MAP2K5: variants seen among roughly 807,000 people sequenced by gnomAD.
MAP2K5 encodes the protein mitogen-activated protein kinase kinase 5, also known as dual specificity mitogen-activated protein kinase kinase 5.
MAP2K5 carries 49 observed loss-of-function variants against 83.1 expected under a neutral mutation model. That is an observed-to-expected ratio of 0.59 (90% confidence interval 0.47 to 0.75). The LOEUF (loss-of-function observed/expected upper bound fraction) is 0.75, where lower values mean the gene tolerates loss of function less well. Ranked by LOEUF, MAP2K5 falls within the 30% of genes least tolerant of loss-of-function variation. The pLI is 0.00. For synonymous variants in MAP2K5, 202 were observed against 191.8 expected, an observed-to-expected ratio of 1.05 and a Z score of -0.44; for missense variants, 457 against 557.5, an observed-to-expected ratio of 0.82 and a Z score of 1.82.
chr15:67,546,637 C>A (rs1387590220), intron 1 of MAP2K5: 1 of 985,064 alleles, frequency 1.0e-6, no homozygotes, highest in African/African-American at 1.7e-5. Flanking sequence ...TCTCTTTTTC[C>A]CTGGAGACTG....
chr15:67,700,283 T>G (rs1253498635), intron 15 of MAP2K5, among the ~76,000 whole-genome samples: 2 of 152,210 alleles, frequency 1.3e-5, no homozygotes, highest in African/African-American at 2.4e-5. Flanking sequence ...ATTCTACTTA[T>G]TAGATCATCA....
At chr15:67,752,327 A>G (rs754823926) in intron 19 of MAP2K5, among the ~76,000 whole-genome samples, 1 of 151,176 alleles carries the variant, frequency 6.6e-6, no homozygotes, top group Non-Finnish European at 1.5e-5. Flanking sequence ...TTGGCCTCCC[A>G]AAGTGCTGAT....
intron 19 of MAP2K5, among the ~76,000 whole-genome samples, chr15:67,751,957 T>C (rs1315579589): frequency 6.6e-6 from 1 of 152,234 alleles, no homozygotes; most frequent in East Asian, 1.9e-4. Flanking sequence ...CTGTGCCCTC[T>C]TGTGATTGCC....
At position 67,747,949 on chromosome 15, in the gene MAP2K5, T is replaced by C. The variant is rs1358543936; in HGVS notation, c.1075-282T>C. On this transcript the variant is annotated intron_variant, in intron 17 of 21. Transcript: ENST00000178640. The surrounding 1 kb of genome is among the most constrained non-coding windows in gnomAD (Gnocchi z 4.1). Reference sequence around the variant, plus strand: ...AGCAATATAAAACATTATTTATATCTGAATCGTAAACAGCCTTTTGAAATG... The same window carrying C: ...AGCAATATAAAACATTATTTATATCCGAATCGTAAACAGCCTTTTGAAATG... 6.6e-6 allele frequency among the ~76,000 whole-genome samples: 1 copy of C among 152,272 alleles called. No homozygotes were observed. The highest frequency in any genetic ancestry group is 1.5e-5 in the Non-Finnish European group (1 of 68,050).
At chr15:67,618,715 A>G (rs1259631205) in intron 8 of MAP2K5, among the ~76,000 whole-genome samples, 1 of 152,184 alleles carries the variant, frequency 6.6e-6, no homozygotes, top group Admixed American at 6.5e-5. Context: ...CAGATTATGT[A>G]TACCTTTACC....
chr15:67,790,049 G>T lies in MAP2K5; in HGVS notation c.1243-16597G>T, dbSNP rs556126721. Among the ~76,000 whole-genome samples the T allele has an allele frequency of 7.6e-4, 116 of 152,296 alleles. No homozygotes were observed. Among genetic ancestry groups the T allele is most frequent in the Non-Finnish European group, 1.2e-3 (84 of 68,022 alleles). ...GAGGTTGAATAGCCAATAGCTGGGG[G>T]TAAACTACAAGAGAGTCGTTTTCTT... On this transcript the variant is annotated intron_variant, in intron 21 of 21. Coordinates refer to ENST00000178640, the MANE Select transcript of MAP2K5 (RefSeq NM_145160.3). The surrounding 1 kb of genome is among the most constrained non-coding windows in gnomAD (Gnocchi z 4.6).
chr15:67,572,058 A>G lies in MAP2K5; in HGVS notation c.253-8696A>G, dbSNP rs776179197. Among the ~76,000 whole-genome samples, 10 of 152,246 alleles carry G rather than the reference A, an allele frequency of 6.6e-5. No individual in the cohort carries two copies. The highest frequency in any genetic ancestry group is 6.5e-5 in the Admixed American group (1 of 15,292). On this transcript the variant is annotated intron_variant, in intron 3 of 21. Coordinates refer to ENST00000178640, the MANE Select transcript of MAP2K5 (RefSeq NM_145160.3). This position sits in a 1 kb window ranked among gnomAD's most constrained non-coding sequence, Gnocchi z 4.2. ...AATACACCTAAGCATTAGGTGCTCC[A>G]TGAGCACAAGAAGTGTCTAATCTAG... is the stretch of plus-strand genomic sequence containing the variant.
In MAP2K5 at chr15:67,563,453, T is replaced by A. The variant is rs2084778931; in HGVS notation, c.252+103T>A. On this transcript the variant is annotated intron_variant, in intron 3 of 21. Transcript: ENST00000178640. The surrounding 1 kb of genome is among the most constrained non-coding windows in gnomAD (Gnocchi z 4.5). ...ACGAGTAAATAAATCACAGTTGTCA[T>A]ACATTTTTCTATATAATAGGTAAAG... is the stretch of plus-strand genomic sequence containing the variant. The A allele has an allele frequency of 8.5e-6, 12 of 1,408,210 alleles. No individual in the cohort carries two copies. Among genetic ancestry groups the A allele is most frequent in the Non-Finnish European group, 1.0e-5 (11 of 1,053,604 alleles). The allele number at this position is 1,408,210 out of a possible 1,614,324, so 87.2% of individuals were successfully genotyped here.
rs187741731 is a variant in MAP2K5 at position 67,775,809 on chromosome 15, G to C, written c.1242+3057G>C. ...AAAGGAAACAGGATGGGCAAAGCAT[G>C]AGTGTATCTCGGTTTCAGACATTTT... On this transcript the variant is annotated intron_variant, in intron 21 of 21. Transcript: ENST00000178640. This position sits in a 1 kb window ranked among gnomAD's most constrained non-coding sequence, Gnocchi z 5.3. Among the ~76,000 whole-genome samples, 3 of 152,220 alleles carry C rather than the reference G, an allele frequency of 2.0e-5. No homozygotes were observed. Among genetic ancestry groups the C allele is most frequent in the African/African-American group, 7.2e-5 (3 of 41,456 alleles).
At chr15:67,624,711 C>T (rs1312532043) in intron 8 of MAP2K5, among the ~76,000 whole-genome samples, 8 of 151,330 alleles carry the variant, frequency 5.3e-5, no homozygotes, top group African/African-American at 1.5e-4. Flanking sequence ...CTCATTGCAC[C>T]GTCTGCCTCC....
intron 13 of MAP2K5, among the ~76,000 whole-genome samples, chr15:67,673,211 A>G (rs1267233773): frequency 1.3e-5 from 2 of 151,496 alleles, no homozygotes; most frequent in Non-Finnish European, 2.9e-5. Context: ...TTTTTTTTTA[A>G]TCTTTTTGTT....
intron 8 of MAP2K5, among the ~76,000 whole-genome samples, chr15:67,603,734 A>G (rs945364683): frequency 2.0e-5 from 3 of 152,210 alleles, no homozygotes; most frequent in Admixed American, 6.5e-5. Context: ...TAAAGTCTCT[A>G]TAAAACTAAG....
chr15:67,777,695 C>T lies in MAP2K5; in HGVS notation c.1242+4943C>T, dbSNP rs190885153. ...CGAGAATTTCAGAGAAACAAGCTGG[C>T]GAAGAAATTTTCTTTATGCTGTTAC... On this transcript the variant is annotated intron_variant, in intron 21 of 21. Coordinates refer to ENST00000178640, the MANE Select transcript of MAP2K5 (RefSeq NM_145160.3). The surrounding 1 kb of genome is among the most constrained non-coding windows in gnomAD (Gnocchi z 6.0). Among the ~76,000 whole-genome samples the T allele has an allele frequency of 1.5e-4, 23 of 152,248 alleles. No individual in the cohort carries two copies. The East Asian group carries it at 3.7e-3, about 24-fold the overall frequency.
At chr15:67,753,626 A>G (rs989903372) in intron 19 of MAP2K5, among the ~76,000 whole-genome samples, 26 of 152,306 alleles carry the variant, frequency 1.7e-4, no homozygotes, top group African/African-American at 5.8e-4. Flanking sequence ...GCAAATCAAA[A>G]CCACAATGAG....
chr15:67,713,389 TAAGTA>T (rs1669184485), intron 16 of MAP2K5, among the ~76,000 whole-genome samples: 1 of 152,218 alleles, frequency 6.6e-6, no homozygotes, highest in South Asian at 2.1e-4. Context: ...TCTATACGTA[TAAGTA>T]AACACATAAA....
intron 13 of MAP2K5, among the ~76,000 whole-genome samples, chr15:67,688,373 A>G (rs983922725): frequency 1.3e-5 from 2 of 152,244 alleles, no homozygotes; most frequent in Non-Finnish European, 2.9e-5. Context: ...GCTGTGTTGA[A>G]CACAAACTAT....
chr15:67,726,165 G>T (rs1160859993), intron 16 of MAP2K5, among the ~76,000 whole-genome samples: 1 of 152,118 alleles, frequency 6.6e-6, no homozygotes, highest in African/African-American at 2.4e-5. Context: ...TGAGTACAAG[G>T]TAATGAAACT....
chr15:67,740,990 T>C (rs1244311313), intron 17 of MAP2K5, among the ~76,000 whole-genome samples: 1 of 144,910 alleles, frequency 6.9e-6, no homozygotes, highest in African/African-American at 2.6e-5. Context: ...ATCGTGCCAC[T>C]GCCCTCCAGT....
At chr15:67,798,504 C>T (rs2127163) in intron 21 of MAP2K5, among the ~76,000 whole-genome samples, 29,469 of 152,210 alleles carry the variant, frequency 0.19, 4,360 homozygotes, top group East Asian at 0.59. Flanking sequence ...ACTGGTCCTG[C>T]GGCTGCTCTG....
Sources: allele counts gnomAD v4.1 joint callset (sites outside exome capture counted in the v4.1 genomes callset), GRCh38; gene constraint gnomAD v4.1.1; non-coding constraint Gnocchi (gnomAD v3.1); transcripts MANE v1.5; gene names NCBI Gene and HGNC (gene_info 2026-07-23, HGNC 2026-07-21).